Variants in ZNF606 observed in about 807,000 individuals in gnomAD.
ZNF606 encodes zinc finger protein 328.
A neutral mutation model predicts 74.9 loss-of-function variants in ZNF606; 37 were observed. That is an observed-to-expected ratio of 0.49 (90% CI 0.38 to 0.65). The LOEUF (loss-of-function observed/expected upper bound fraction) is 0.65. Ranked by LOEUF, ZNF606 falls within the 30% of genes least tolerant of loss-of-function variation. ZNF606 has a pLI of 0.00. For missense variants in ZNF606, 852 were observed against 952.9 expected, an observed-to-expected ratio of 0.89 and a Z score of 1.39; for synonymous variants, 328 against 312.4, an observed-to-expected ratio of 1.05 and a Z score of -0.53.
intron 3 of ZNF606, 196 bp from the exon 4 acceptor site, chr19:58,000,092 C>G: frequency 2.3e-6 from 1 of 439,214 alleles, no homozygotes; most frequent in Non-Finnish European, 3.8e-6. Flanking sequence ...TCTCATTGGC[C>G]CCCCCTGTGC....
intron 6 of ZNF606, among the ~76,000 whole-genome samples, chr19:57,986,191 C>T (rs904703786): frequency 1.3e-5 from 2 of 151,804 alleles, no homozygotes; most frequent in African/African-American, 2.4e-5. Context: ...CAAACCTGTC[C>T]GACAGGAAAT....
In ZNF606 at chr19:57,977,380, T is replaced by A. The variant is rs2073006179; in HGVS notation, c.*921A>T. 6.6e-6 allele frequency: 1 copy of A among 152,262 alleles called. No individual in the cohort carries two copies. 9.4% of individuals were successfully genotyped at this position (152,262 alleles called of 1,614,324 possible). ...AAGCCCAGCACATAAGTGTTATATGTATTTGTAAAACTTTTTAAAAATCTC... is the reference window on the plus strand; with the variant it reads ...AAGCCCAGCACATAAGTGTTATATGAATTTGTAAAACTTTTTAAAAATCTC... On this transcript the variant is annotated 3_prime_UTR_variant, in exon 7 of 7. Coordinates refer to ENST00000551380, the MANE Select transcript of ZNF606 (RefSeq NM_001348022.3).
In ZNF606 at chr19:57,988,450, G is replaced by A. The variant is rs2073198516; in HGVS notation, c.304+145C>T. 5 of 1,408,826 alleles carry A rather than the reference G, an allele frequency of 3.5e-6. No homozygotes were observed. In the South Asian group the frequency reaches 5.4e-5, roughly 15 times the overall value. The allele number at this position is 1,408,826 out of a possible 1,614,324, so 87.3% of individuals were successfully genotyped here. On this transcript the variant is annotated intron_variant, in intron 5 of 6. Transcript: ENST00000551380. ...ACTCCATGCTCTTTAAGCATTAGGA[G>A]TTTCATCCCTGAACCTCAGGGCCCA... is the stretch of plus-strand genomic sequence containing the variant.
intron 6 of ZNF606, among the ~76,000 whole-genome samples, chr19:57,981,166 T>C (rs2073080162): frequency 6.6e-6 from 1 of 152,218 alleles, no homozygotes; most frequent in Non-Finnish European, 1.5e-5. Flanking sequence ...ACTGGACTCC[T>C]AGACTCAGGC....
At chr19:57,999,764 T>A in intron 4 of ZNF606, 44 bp downstream of exon 4, 1 of 1,574,272 alleles carries the variant, frequency 6.4e-7, no homozygotes, top group South Asian at 1.1e-5. Flanking sequence ...TGACCAGGGA[T>A]AACCTGGACA....
intron 4 of ZNF606, among the ~76,000 whole-genome samples, chr19:57,991,488 T>G (rs901792023): frequency 6.6e-6 from 1 of 152,160 alleles, no homozygotes; most frequent in Non-Finnish European, 1.5e-5. Context: ...CATTTTATGG[T>G]AATGTAAGGT....
chr19:58,001,341 C>A lies in ZNF606; in HGVS notation c.-22G>T. The A allele has an allele frequency of 6.2e-7, 1 of 1,614,132 alleles. No individual in the cohort carries two copies. The highest frequency in any genetic ancestry group is 8.5e-7 in the Non-Finnish European group (1 of 1,180,016). ...CCATCCCGAGGACTGATTGACCAGGCACCTGCCCAGGAACACAGCAAATCC... is the reference window on the plus strand; with the variant it reads ...CCATCCCGAGGACTGATTGACCAGGAACCTGCCCAGGAACACAGCAAATCC... On this transcript the variant is annotated 5_prime_UTR_variant, in exon 2 of 7. Transcript: ENST00000551380.
At chr19:57,992,361 T>C (rs1325400578) in intron 4 of ZNF606, among the ~76,000 whole-genome samples, 1 of 152,194 alleles carries the variant, frequency 6.6e-6, no homozygotes, top group Non-Finnish European at 1.5e-5. Flanking sequence ...CAGCACCACC[T>C]ATGAAGTATT....
chr19:57,988,872 T>G (rs2073207628), intron 4 of ZNF606, 151 bp from the exon 5 acceptor site: 4 of 1,278,634 alleles, frequency 3.1e-6, no homozygotes, highest in Admixed American at 2.0e-5. Flanking sequence ...GAGTCAGGTC[T>G]CATTGAGAAC....
At chr19:57,992,631 A>T (rs768726215) in intron 4 of ZNF606, among the ~76,000 whole-genome samples, 16 of 152,248 alleles carry the variant, frequency 1.1e-4, no homozygotes, top group Non-Finnish European at 2.1e-4. Flanking sequence ...ACTGGATATC[A>T]GGTGACATTG....
Position 58,002,633 on chromosome 19 carries a change from C to T in ZNF606, c.-289G>A, listed in dbSNP as rs1391534080. ...CGGGAGGCCGGAGGCAGGCTGCTGG[C>T]TGGAGAACCGACGGCAACGACGGCG... On this transcript the variant is annotated 5_prime_UTR_variant, in exon 1 of 7. Transcript: ENST00000551380. 1 of 452,910 alleles carries T rather than the reference C, an allele frequency of 2.2e-6. No individual in the cohort carries two copies. The highest frequency in any genetic ancestry group is 4.4e-6 in the Non-Finnish European group (1 of 225,394). The allele number at this position is 452,910 out of a possible 1,614,324, so 28.1% of individuals were successfully genotyped here. A position where few individuals can be genotyped will look rare whatever the true frequency, so the allele number is the denominator to read the frequency against.
At position 57,981,487 on chromosome 19, in the gene ZNF606, A is replaced by G. The variant is rs150897922; in HGVS notation, c.401-1208T>C. ...AAGAATAAAGCCTTTCATCTTAACA[A>G]AAGTTAGGTAGATGAGCACACAAGG... On this transcript the variant is annotated intron_variant, in intron 6 of 6. Coordinates refer to ENST00000551380, the MANE Select transcript of ZNF606 (RefSeq NM_001348022.3). Among the ~76,000 whole-genome samples, 191 of 152,334 alleles carry G rather than the reference A, an allele frequency of 1.3e-3. 1 individual carries two copies. The highest frequency in any genetic ancestry group is 1.8e-3 in the Non-Finnish European group (125 of 68,036).
In ZNF606 at chr19:57,988,604, G is replaced by A. The variant is rs143390340; in HGVS notation, c.295C>T (p.Leu99Phe). 6 of 1,613,552 alleles carry A rather than the reference G, an allele frequency of 3.7e-6. No individual in the cohort carries two copies. In the African/African-American group the frequency reaches 6.7e-5, roughly 18 times the overall value. ...DVMLETYGHL[L>F]SVGNQIAKPE... ...GCAGCACCTGCCTTACCCACAGAGAGCAGGTGACCATAGGTCTCCAGCATC... is the reference window on the plus strand; with the variant it reads ...GCAGCACCTGCCTTACCCACAGAGAACAGGTGACCATAGGTCTCCAGCATC... The change falls in exon 5 of 7, where the codon CTC (leucine) becomes TTC (phenylalanine). Residue 99 changes from leucine to phenylalanine, a missense_variant. Transcript: ENST00000551380.
intron 4 of ZNF606, among the ~76,000 whole-genome samples, chr19:57,993,141 T>C (rs1162591500): frequency 6.6e-6 from 1 of 152,162 alleles, no homozygotes; most frequent in African/African-American, 2.4e-5. Flanking sequence ...AGTCTCCCCT[T>C]GAGCCTCCAG....
chr19:57,989,712 G>T (rs572127079), intron 4 of ZNF606, among the ~76,000 whole-genome samples: 1 of 151,652 alleles, frequency 6.6e-6, no homozygotes, highest in African/African-American at 2.4e-5. Context: ...CTCCCAAAAT[G>T]CTGGGATTAC....
At chr19:57,980,872 ACT>A (rs1319625973) in intron 6 of ZNF606, among the ~76,000 whole-genome samples, 1 of 151,120 alleles carries the variant, frequency 6.6e-6, no homozygotes, top group Non-Finnish European at 1.5e-5. Flanking sequence ...GAAAGAGTTA[ACT>A]CTGCAGGCCT....
chr19:57,999,969 G>A (rs1325873582), intron 3 of ZNF606, 73 bp from the exon 4 acceptor site: 6 of 1,371,078 alleles, frequency 4.4e-6, no homozygotes, highest in African/African-American at 2.9e-5. Context: ...GGGGGGCTGA[G>A]AACCAGCCCC....
intron 6 of ZNF606, among the ~76,000 whole-genome samples, chr19:57,981,653 A>G (rs1230888990): frequency 6.6e-6 from 1 of 152,194 alleles, no homozygotes. Context: ...TCAAGCCAGG[A>G]TGTTATCTAT....
intron 1 of ZNF606, chr19:58,002,012 C>A: frequency 2.7e-6 from 1 of 369,148 alleles, no homozygotes; most frequent in Non-Finnish European, 5.4e-6. Flanking sequence ...GATCTTTGTA[C>A]AAGTCAGCAA....
Sources: gnomAD v4.1 joint callset for allele counts (sites outside exome capture counted in the v4.1 genomes callset) on GRCh38, gnomAD v4.1.1 for gene constraint, MANE v1.5 for transcripts, NCBI Gene and HGNC (gene_info 2026-07-23, HGNC 2026-07-21) for gene names.